The following FGF13 variants were observed in gnomAD, a reference collection of about 807,000 sequenced individuals.
FGF13 encodes the protein fibroblast growth factor 13, also known as fibroblast growth factor homologous factor 2.
Under a neutral mutation model 19.5 loss-of-function variants are expected in FGF13, and 2 were observed. The observed-to-expected ratio is 0.10, with a 90% CI of 0.04 to 0.32. The LOEUF (loss-of-function observed/expected upper bound fraction) is 0.32. Among genes scored for constraint, FGF13 ranks in the 10% least tolerant of loss-of-function variants. FGF13 has a pLI of 1.00. For missense variants in FGF13, 113 were observed against 192.7 expected, an observed-to-expected ratio of 0.59 and a Z score of 2.45; for synonymous variants, 72 against 76.9, an observed-to-expected ratio of 0.94 and a Z score of 0.33.
intron 1 of FGF13, among the ~76,000 whole-genome samples, chrX:139,136,153 T>G (rs1346605813): frequency 8.9e-6 from 1 of 111,957 alleles, no homozygotes; most frequent in Non-Finnish European, 1.9e-5. Context: ...TGTAATTATA[T>G]GCTTACATGT....
At position 138,730,016 on chromosome X, in the gene FGF13, G is replaced by T. The variant is rs186144645; in HGVS notation, c.28+9226C>A. ...AGAAACATAGAATTTTTCTCCAGCA[G>T]ATAAACACTAAAAGAAATGAACAAA... On this transcript the variant is annotated intron_variant, in intron 1 of 4. Transcript: ENST00000305414. 1.5e-4 allele frequency among the ~76,000 whole-genome samples: 17 copies of T among 111,488 alleles called. No homozygotes were observed. In the East Asian group the frequency reaches 4.5e-3, roughly 30 times the overall value.
chrX:139,182,198 C>G (rs908967959), intron 1 of FGF13, among the ~76,000 whole-genome samples: 1 of 111,908 alleles, frequency 8.9e-6, no homozygotes, highest in East Asian at 2.8e-4. Context: ...GATGGGAAAA[C>G]AAAGGCACAA....
At chrX:139,193,085 T>G (rs775871164) in intron 1 of FGF13, among the ~76,000 whole-genome samples, 5 of 110,106 alleles carry the variant, frequency 4.5e-5, no homozygotes, top group African/African-American at 1.7e-4. Flanking sequence ...ATCACTTAAG[T>G]TGGGGTATGA....
intron 1 of FGF13, among the ~76,000 whole-genome samples, chrX:139,062,433 C>T (rs1200097200): frequency 8.9e-6 from 1 of 111,937 alleles, no homozygotes; most frequent in East Asian, 2.8e-4. Flanking sequence ...CAGGACAATG[C>T]TATTTTGATT....
At chrX:139,007,197 TATG>T (rs1478521300) in intron 1 of FGF13, among the ~76,000 whole-genome samples, 1 of 111,613 alleles carries the variant, frequency 9.0e-6, no homozygotes, top group Non-Finnish European at 1.9e-5. Flanking sequence ...CAGTAGTAGC[TATG>T]CTTATATGAG....
intron 1 of FGF13, among the ~76,000 whole-genome samples, chrX:139,109,645 A>G (rs2083587164): frequency 9.0e-6 from 1 of 111,583 alleles, no homozygotes; most frequent in Non-Finnish European, 1.9e-5. Flanking sequence ...CCATTTCTTC[A>G]CATCTGAAAC....
At chrX:138,994,952 A>G (rs1417357647) in intron 1 of FGF13, among the ~76,000 whole-genome samples, 2 of 102,011 alleles carry the variant, frequency 2.0e-5, no homozygotes, top group African/African-American at 7.2e-5. Flanking sequence ...TCCCACCCCA[A>G]CTCAAGGACA....
chrX:139,156,032 T>C (rs2083974183), intron 1 of FGF13, among the ~76,000 whole-genome samples: 1 of 111,561 alleles, frequency 9.0e-6, no homozygotes, highest in African/African-American at 3.3e-5. Flanking sequence ...CCCAGGAAGC[T>C]TTCCCACAGG....
chrX:139,123,525 T>A (rs988069382), intron 1 of FGF13, among the ~76,000 whole-genome samples: 3 of 112,199 alleles, frequency 2.7e-5, no homozygotes, highest in African/African-American at 6.5e-5. Flanking sequence ...CATATCTAGG[T>A]CTCAGTTTAA....
intron 3 of FGF13, among the ~76,000 whole-genome samples, chrX:138,783,906 G>T (rs1459916861): frequency 4.6e-5 from 5 of 108,502 alleles, no homozygotes; most frequent in African/African-American, 1.3e-4. Flanking sequence ...CAAAGACTTG[G>T]AACCAACCCA....
At chrX:139,099,067 C>T (rs766271779) in intron 1 of FGF13, among the ~76,000 whole-genome samples, 11 of 110,470 alleles carry the variant, frequency 1.0e-4, no homozygotes, top group African/African-American at 3.6e-4. Flanking sequence ...TCTTATGGCC[C>T]CCATGGCTAC....
At position 138,805,759 on chromosome X, in the gene FGF13, T is replaced by C. The variant is rs758062311; in HGVS notation, c.217+51753A>G. The stretch of plus-strand genomic sequence containing the variant: ...AATTTTTACACATACAATATATTAT[T>C]GTTGACTATGGGTACAAGGTTGTAC... On this transcript the variant is annotated intron_variant, in intron 3 of 6. Coordinates refer to the FGF13 transcript ENST00000436198. 9.8e-5 allele frequency among the ~76,000 whole-genome samples: 11 copies of C among 112,134 alleles called. No individual in the cohort carries two copies. The East Asian group carries it at 3.1e-3, about 31-fold the overall frequency.
intron 1 of FGF13, among the ~76,000 whole-genome samples, chrX:139,014,516 T>G (rs1303760992): frequency 9.0e-6 from 1 of 111,308 alleles, no homozygotes; most frequent in African/African-American, 3.3e-5. Context: ...CCTAGAAACA[T>G]ACAACCTATT....
intron 1 of FGF13, among the ~76,000 whole-genome samples, chrX:139,086,425 T>C (rs1409751302): frequency 8.9e-6 from 1 of 112,456 alleles, no homozygotes; most frequent in Non-Finnish European, 1.9e-5. Context: ...GTGATGAAAG[T>C]GTCTGGGAAC....
intron 1 of FGF13, among the ~76,000 whole-genome samples, chrX:138,942,150 T>C (rs141645480): frequency 8.9e-6 from 1 of 112,124 alleles, no homozygotes; most frequent in African/African-American, 3.2e-5. Flanking sequence ...ATTTGATCCA[T>C]ACAACAAGCC....
chrX:138,928,504 G>A (rs922324892), intron 1 of FGF13, among the ~76,000 whole-genome samples: 1 of 110,444 alleles, frequency 9.1e-6, no homozygotes, highest in African/African-American at 3.3e-5. Flanking sequence ...CCTCTTGCAG[G>A]AAGATGTTAT....
chrX:139,020,513 T>C (rs1396035480), intron 1 of FGF13, among the ~76,000 whole-genome samples: 1 of 111,111 alleles, frequency 9.0e-6, no homozygotes, highest in East Asian at 2.9e-4. Context: ...TAATCTACTT[T>C]CCATCACCCA....
chrX:138,789,778 GC>G (rs1412619526), intron 3 of FGF13, among the ~76,000 whole-genome samples: 2 of 109,048 alleles, frequency 1.8e-5, no homozygotes, highest in African/African-American at 6.7e-5. Context: ...AGGCCCGGTG[GC>G]TCATGCCTGT....
intron 1 of FGF13, chrX:138,739,190 G>T: frequency 1.4e-6 from 1 of 730,488 alleles, no homozygotes; most frequent in Admixed American, 2.3e-5. Context: ...TAATGTCCAG[G>T]ATAAACATTC....
Sources: gnomAD v4.1 joint callset for allele counts (sites outside exome capture counted in the v4.1 genomes callset) on GRCh38, gnomAD v4.1.1 for gene constraint, MANE v1.5 for transcripts, NCBI Gene and HGNC (gene_info 2026-07-23, HGNC 2026-07-21) for gene names.